BMERB1: variants seen among roughly 807,000 people sequenced by gnomAD.
BMERB1 encodes the protein bMERB domain containing 1, also known as bMERB domain-containing protein 1.
A neutral mutation model predicts 23.6 loss-of-function variants in BMERB1; 12 were observed. The observed-to-expected ratio is 0.51, with a 90% confidence interval of 0.33 to 0.82. The LOEUF (loss-of-function observed/expected upper bound fraction) is 0.82, where lower values mean the gene tolerates loss of function less well. BMERB1 is among the 40% of genes least tolerant of loss of function. The pLI, the probability that BMERB1 is intolerant of heterozygous loss-of-function variation, is 0.03. For synonymous variants in BMERB1, 122 were observed against 96.6 expected (o/e 1.26, Z -1.54); for missense variants, 247 against 255.4 (o/e 0.97, Z 0.22).
At chr16:15,524,341 G>A (rs1324019398) in intron 2 of BMERB1, among the ~76,000 whole-genome samples, 3 of 152,058 alleles carry the variant, frequency 2.0e-5, no homozygotes, top group South Asian at 2.1e-4. Flanking sequence ...AAGAAGAAAC[G>A]GAGAGACTAA....
At chr16:15,541,333 T>C (rs2150962893) in intron 2 of BMERB1, among the ~76,000 whole-genome samples, 1 of 151,682 alleles carries the variant, frequency 6.6e-6, no homozygotes, top group Non-Finnish European at 1.5e-5. Context: ...TCCCTGGATC[T>C]CACTGTTCAA....
intron 2 of BMERB1, among the ~76,000 whole-genome samples, chr16:15,552,940 A>G (rs2030137644): frequency 6.6e-6 from 1 of 152,172 alleles, no homozygotes; most frequent in African/African-American, 2.4e-5. Flanking sequence ...TTGGGAGGCC[A>G]AGGCAGGAGA....
rs566119513 is a variant in BMERB1, at chr16:15,440,809, A to C, written c.106+6050A>C. On this transcript the variant is annotated intron_variant, in intron 1 of 5. Transcript: ENST00000300006. Reference sequence around the variant, plus strand: ...CCCTGCCCACATAAAGCTTCTGTTTAGGGGAAGTTAAGACCTGGGTTGAGA... The same window carrying C: ...CCCTGCCCACATAAAGCTTCTGTTTCGGGGAAGTTAAGACCTGGGTTGAGA... Among the ~76,000 whole-genome samples, 283 of 152,282 alleles carry C rather than the reference A, an allele frequency of 1.9e-3. 2 individuals are homozygous for C. Among genetic ancestry groups the C allele is most frequent in the Middle Eastern group, 3.4e-3 (1 of 294 alleles).
At chr16:15,518,001 ATGTGTG>A (rs535099257) in intron 2 of BMERB1, among the ~76,000 whole-genome samples, 4 of 144,414 alleles carry the variant, frequency 2.8e-5, no homozygotes, top group African/African-American at 1.0e-4. Context: ...GCATGTGTGG[ATGTGTG>A]TGTGGGTGTG....
At chr16:15,572,318 G>A (rs1179308622) in intron 3 of BMERB1, among the ~76,000 whole-genome samples, 1 of 152,172 alleles carries the variant, frequency 6.6e-6, no homozygotes, top group Non-Finnish European at 1.5e-5. Context: ...TTGTTGTAAG[G>A]GTAGTGTGCG....
chr16:15,535,887 A>G (rs1240721766), intron 2 of BMERB1, among the ~76,000 whole-genome samples: 1 of 152,154 alleles, frequency 6.6e-6, no homozygotes, highest in African/African-American at 2.4e-5. Flanking sequence ...ACAAGGCAGC[A>G]GGAGGGAATA....
At chr16:15,502,249 G>T in intron 1 of BMERB1, 1 of 1,530,038 alleles carries the variant, frequency 6.5e-7, no homozygotes, top group Non-Finnish European at 8.9e-7. Context: ...AAATGTGCTT[G>T]AGGTGCCACT....
rs1308478350 is a variant in BMERB1 at position 15,588,029 on chromosome 16, A to T, written c.*1200A>T. ...ATCCATGTACATAGTAAATCATTTTAAAAGTACAAAAAGTATGAAGAAGTT... is the reference window on the plus strand; with the variant it reads ...ATCCATGTACATAGTAAATCATTTTTAAAGTACAAAAAGTATGAAGAAGTT... On this transcript the variant is annotated 3_prime_UTR_variant, in exon 6 of 6. Transcript: ENST00000300006. The T allele has an allele frequency of 6.8e-6, 1 of 146,708 alleles. No homozygotes were observed. The highest frequency in any genetic ancestry group is 1.5e-5 in the Non-Finnish European group (1 of 67,316). The allele number at this position is 146,708 out of a possible 1,614,324, so 9.1% of individuals were successfully genotyped here. A position where few individuals can be genotyped will look rare whatever the true frequency, so the allele number is the denominator to read the frequency against.
At chr16:15,450,135 C>T (rs1411720886) in intron 1 of BMERB1, among the ~76,000 whole-genome samples, 1 of 152,060 alleles carries the variant, frequency 6.6e-6, no homozygotes, top group Admixed American at 6.6e-5. Context: ...CTCAGCTCTA[C>T]CACCGTACTC....
At chr16:15,493,571 C>T (rs942759683) in intron 1 of BMERB1, among the ~76,000 whole-genome samples, 5 of 152,000 alleles carry the variant, frequency 3.3e-5, no homozygotes, top group Admixed American at 3.3e-4. Flanking sequence ...GACATGAATG[C>T]TTCCAGATTT....
chr16:15,505,147 A>G (rs1481677913), intron 1 of BMERB1, among the ~76,000 whole-genome samples: 3 of 152,248 alleles, frequency 2.0e-5, no homozygotes, highest in Non-Finnish European at 4.4e-5. Flanking sequence ...TTTACATCCT[A>G]TCCAACACAG....
intron 4 of BMERB1, among the ~76,000 whole-genome samples, chr16:15,582,215 A>G (rs1802271310): frequency 6.6e-6 from 1 of 152,214 alleles, no homozygotes; most frequent in Admixed American, 6.5e-5. Context: ...CCTGGGCAAC[A>G]TGGTGAAACC....
chr16:15,538,296 T>C (rs540547577), intron 2 of BMERB1, among the ~76,000 whole-genome samples: 2 of 152,062 alleles, frequency 1.3e-5, no homozygotes, highest in South Asian at 4.2e-4. Flanking sequence ...TTACTAAAAA[T>C]ACAAAAATTA....
At chr16:15,561,251 C>T (rs1013311843) in intron 2 of BMERB1, among the ~76,000 whole-genome samples, 6 of 130,856 alleles carry the variant, frequency 4.6e-5, no homozygotes, top group African/African-American at 1.4e-4. Flanking sequence ...GCCACCACGC[C>T]GGCCATTTTT....
chr16:15,466,917 T>C (rs1164283122), intron 1 of BMERB1, among the ~76,000 whole-genome samples: 1 of 152,232 alleles, frequency 6.6e-6, no homozygotes, highest in East Asian at 1.9e-4. Flanking sequence ...ATTTTGTCAT[T>C]TCAAGAATAT....
rs868544146 is a variant in BMERB1, at chr16:15,581,299, C to T, written c.387C>T (p.Phe129=). ...KIHKLVQKRD[F]LVDDAEVERL... is the part of the protein sequence containing the mutation. ...ACAAACTGGTGCAGAAGAGAGACTT[C>T]CTGGTGGACGATGCGGAGGTCGAGC... is the stretch of plus-strand genomic sequence containing the variant. Residue 129 remains phenylalanine, a synonymous_variant, in exon 4 of 6, where the codon TTC becomes TTT. Transcript: ENST00000300006. 3.1e-6 allele frequency: 5 copies of T among 1,614,086 alleles called. No homozygotes were observed. The South Asian group carries it at 4.4e-5, about 14-fold the overall frequency.
Position 15,568,002 on chromosome 16 carries a change from T to C in BMERB1, c.250T>C (p.Cys84Arg). 6.2e-7 allele frequency: 1 copy of C among 1,614,038 alleles called. No homozygotes were observed. Among genetic ancestry groups the C allele is most frequent in the East Asian group, 2.2e-5 (1 of 44,880 alleles). The change falls in exon 3 of 6, where the codon TGC becomes CGC. Residue 84 changes from cysteine to arginine, a missense_variant. By Grantham distance (180) the Cys-to-Arg change is radical (BLOSUM62 -3). Transcript: ENST00000300006. ...LRFMMDDIQL[C>R]KDIMDLKQEL... ...CCCCAGGATGGATGACATCCAGCTC[T>C]GCAAGGACATCATGGACTTGAAGCA...
chr16:15,516,541 C>G (rs1204129328), intron 2 of BMERB1, among the ~76,000 whole-genome samples: 2 of 152,180 alleles, frequency 1.3e-5, no homozygotes, highest in African/African-American at 4.8e-5. Context: ...CCAAACCAAA[C>G]CAGAGGTTAA....
At chr16:15,439,855 CT>C (rs1481027324) in intron 1 of BMERB1, among the ~76,000 whole-genome samples, 4 of 152,074 alleles carry the variant, frequency 2.6e-5, no homozygotes, top group African/African-American at 9.7e-5. Flanking sequence ...GTGGCCATTT[CT>C]TGATAGATTT....
Sources: allele counts gnomAD v4.1 joint callset (sites outside exome capture counted in the v4.1 genomes callset), GRCh38; gene constraint gnomAD v4.1.1; transcripts MANE v1.5; gene names NCBI Gene and HGNC (gene_info 2026-07-23, HGNC 2026-07-21).